The following CASZ1 variants were observed in gnomAD, a reference collection of about 807,000 sequenced individuals.
CASZ1 encodes zinc finger protein castor homolog 1.
In CASZ1, 28 loss-of-function variants were observed where a neutral mutation model predicts 135.2. The observed-to-expected ratio is 0.21, with a 90% confidence interval of 0.15 to 0.28. The LOEUF (loss-of-function observed/expected upper bound fraction) is 0.28, where lower values mean the gene tolerates loss of function less well. CASZ1 is among the 10% of genes least tolerant of loss of function. The pLI, the probability that CASZ1 is intolerant of heterozygous loss-of-function variation, is 1.00. For missense variants in CASZ1, 2,161 were observed against 2,453.3 expected (o/e 0.88, Z 2.52); for synonymous variants, 1,068 against 1,073.4 (o/e 0.99, Z 0.10).
In CASZ1 at chr1:10,638,748, G is replaced by T; in HGVS notation, c.*194C>A. 2.6e-6 allele frequency: 1 copy of T among 391,814 alleles called. No homozygotes were observed. Among genetic ancestry groups the T allele is most frequent in the Non-Finnish European group, 3.5e-6 (1 of 287,422 alleles). 24.3% of individuals were successfully genotyped at this position (391,814 alleles called of 1,614,324 possible). A position where few individuals can be genotyped will look rare whatever the true frequency, so the allele number is the denominator to read the frequency against. On this transcript the variant is annotated 3_prime_UTR_variant, in exon 21 of 21. Coordinates refer to ENST00000377022, the MANE Select transcript of CASZ1 (RefSeq NM_001079843.3). This position sits in a 1 kb window ranked among gnomAD's most constrained non-coding sequence, Gnocchi z 5.9. ...TCCCTGAAGAGACCCGGCCTCCCTA[G>T]AGCAGGGCCACCGCCGCCGCCTGTG...
intron 3 of CASZ1, among the ~76,000 whole-genome samples, chr1:10,698,005 A>G (rs962103102): frequency 6.6e-6 from 1 of 152,246 alleles, no homozygotes; most frequent in African/African-American, 2.4e-5. Flanking sequence ...CGGCATGGCC[A>G]CGGGCACGGG....
At position 10,790,132 on chromosome 1, in the gene CASZ1, A is replaced by G. The variant is rs145440747; in HGVS notation, c.-234+6432T>C. 1.1e-3 allele frequency among the ~76,000 whole-genome samples: 170 copies of G among 152,324 alleles called. 1 individual carries two copies. The highest frequency in any genetic ancestry group is 2.9e-3 in the East Asian group (15 of 5,178). ...CGTGGCAGCCAGAGGAGAGATCACC[A>G]GGCAGCCAGAACCACGGCTGACTTC... On this transcript the variant is annotated intron_variant, in intron 1 of 20. Coordinates refer to ENST00000377022, the MANE Select transcript of CASZ1 (RefSeq NM_001079843.3).
In CASZ1 at chr1:10,708,017, A is replaced by G. The variant is rs151300150; in HGVS notation, c.-76-2473T>C. Among the ~76,000 whole-genome samples, 528 of 152,326 alleles carry G rather than the reference A, an allele frequency of 3.5e-3. 4 individuals carry two copies. The highest frequency in any genetic ancestry group is 0.011 in the African/African-American group (472 of 41,576). On this transcript the variant is annotated intron_variant, in intron 2 of 20. Transcript: ENST00000377022. Reference sequence around the variant, plus strand: ...GGCAGAAAGTGCCTAAGAAATGCCAACACACCCATTCTCTGCCAGCCGTCT... The same window carrying G: ...GGCAGAAAGTGCCTAAGAAATGCCAGCACACCCATTCTCTGCCAGCCGTCT...
At position 10,700,487 on chromosome 1, in the gene CASZ1, T is replaced by C. The variant is rs1639040352; in HGVS notation, c.-24+5005A>G. ...AGACACGTGTGCTGCTGCCTGAGTC[T>C]AGGTGTTTGGATGGTGTATGTACAC... is the stretch of plus-strand genomic sequence containing the variant. On this transcript the variant is annotated intron_variant, in intron 3 of 20. Transcript: ENST00000377022. The surrounding 1 kb of genome is among the most constrained non-coding windows in gnomAD (Gnocchi z 4.2). 6.6e-6 allele frequency among the ~76,000 whole-genome samples: 1 copy of C among 152,170 alleles called. No homozygotes were observed. The highest frequency in any genetic ancestry group is 1.5e-5 in the Non-Finnish European group (1 of 68,022).
chr1:10,663,135 G>C (rs1643104645), intron 5 of CASZ1, among the ~76,000 whole-genome samples: 1 of 152,218 alleles, frequency 6.6e-6, no homozygotes, highest in Non-Finnish European at 1.5e-5. Context: ...CACTTGGGGC[G>C]GCAGGACCCC....
intron 6 of CASZ1, among the ~76,000 whole-genome samples, chr1:10,659,498 G>T (rs1642931985): frequency 6.6e-6 from 1 of 152,228 alleles, no homozygotes; most frequent in Non-Finnish European, 1.5e-5. Context: ...AGGTGCAAGA[G>T]TGAATGTGAG....
chr1:10,729,610 C>G (rs1351788399), intron 2 of CASZ1, among the ~76,000 whole-genome samples: 1 of 152,236 alleles, frequency 6.6e-6, no homozygotes, highest in African/African-American at 2.4e-5. Context: ...CTTCCCGAGA[C>G]CCTCTCAGGA....
rs1224005442 is a variant in CASZ1 at position 10,639,205 on chromosome 1, A to T, written c.5017T>A (p.Ser1673Thr). 5 of 954,720 alleles carry T rather than the reference A, an allele frequency of 5.2e-6. No homozygotes were observed. Among genetic ancestry groups the T allele is most frequent in the East Asian group, 1.0e-4 (1 of 9,710 alleles). 59.1% of individuals were successfully genotyped at this position (954,720 alleles called of 1,614,324 possible). A position where few individuals can be genotyped will look rare whatever the true frequency, so the allele number is the denominator to read the frequency against. ...AAAAAAAAGESSQEDEEEELE... is the reference protein window; with the variant it reads ...AAAAAAAAGETSQEDEEEELE... ...TCCTCCTCCTCGTCCTCCTGCGAGG[A>T]CTCCCCAGCTGCGGCGGCGGCGGCG... Residue 1673 changes from serine to threonine, a missense_variant, in exon 21 of 21, where the codon TCC (serine) becomes ACC (threonine). This residue lies in a region of CASZ1 where 185 missense variants were observed against 134.7 expected (regional missense o/e 1.37). Coordinates refer to ENST00000377022, the MANE Select transcript of CASZ1 (RefSeq NM_001079843.3). The surrounding 1 kb of genome is among the most constrained non-coding windows in gnomAD (Gnocchi z 4.0).
At chr1:10,644,021 A>G (rs1642288920) in intron 18 of CASZ1, among the ~76,000 whole-genome samples, 1 of 152,236 alleles carries the variant, frequency 6.6e-6, no homozygotes, top group African/African-American at 2.4e-5. Flanking sequence ...TTTTGAATTC[A>G]TACTTGAAGG....
chr1:10,638,073 G>C lies in CASZ1; in HGVS notation c.*869C>G, dbSNP rs564178454. Reference sequence around the variant, plus strand: ...GGGACTGAGCCTCCAACCTCAGGCCGGGCCCAGGCGGGTCTGCACTCTCAC... The same window carrying C: ...GGGACTGAGCCTCCAACCTCAGGCCCGGCCCAGGCGGGTCTGCACTCTCAC... On this transcript the variant is annotated 3_prime_UTR_variant, in exon 21 of 21. Transcript: ENST00000377022. The surrounding 1 kb of genome is among the most constrained non-coding windows in gnomAD (Gnocchi z 5.9). 5.2e-5 allele frequency: 8 copies of C among 152,580 alleles called. No homozygotes were observed. The South Asian group carries it at 1.7e-3, about 32-fold the overall frequency. 9.5% of individuals were successfully genotyped at this position (152,580 alleles called of 1,614,324 possible).
chr1:10,768,685 C>G (rs1640522009), intron 1 of CASZ1, among the ~76,000 whole-genome samples: 1 of 152,202 alleles, frequency 6.6e-6, no homozygotes. Flanking sequence ...AAGCAGAGCC[C>G]TGGCATCACC....
At chr1:10,745,888 T>C (rs960529536) in intron 2 of CASZ1, among the ~76,000 whole-genome samples, 2 of 152,200 alleles carry the variant, frequency 1.3e-5, no homozygotes, top group Non-Finnish European at 2.9e-5. Context: ...TGAGCTCCTA[T>C]TCAAACACAA....
rs1371971133 is a variant in CASZ1, at chr1:10,783,406, A to C, written c.-234+13158T>G. ...TTCCAAGTCTTCCTTTTGCCCAAAGAAAGGAGGGATGGAAAGAAGAAATCC... is the reference window on the plus strand; with the variant it reads ...TTCCAAGTCTTCCTTTTGCCCAAAGCAAGGAGGGATGGAAAGAAGAAATCC... On this transcript the variant is annotated intron_variant, in intron 1 of 20. Transcript: ENST00000377022. 2.0e-5 allele frequency among the ~76,000 whole-genome samples: 3 copies of C among 149,978 alleles called. No homozygotes were observed. The East Asian group carries it at 5.8e-4, about 29-fold the overall frequency.
At position 10,776,034 on chromosome 1, in the gene CASZ1, C is replaced by T. The variant is rs548449246; in HGVS notation, c.-233-15177G>A. On this transcript the variant is annotated intron_variant, in intron 1 of 20. Transcript: ENST00000377022. This position sits in a 1 kb window ranked among gnomAD's most constrained non-coding sequence, Gnocchi z 4.1. ...CCCCATCAGTGGGGTCTGCTCGGTC[C>T]CTGTAGCTAATTTACACCCGTCAGG... 8.1e-4 allele frequency among the ~76,000 whole-genome samples: 123 copies of T among 152,318 alleles called. No individual in the cohort carries two copies. Among genetic ancestry groups the T allele is most frequent in the African/African-American group, 2.8e-3 (118 of 41,562 alleles).
rs1639032037 is a variant in CASZ1 at position 10,700,149 on chromosome 1, T to G, written c.-24+5343A>C. 6.9e-6 allele frequency among the ~76,000 whole-genome samples: 1 copy of G among 144,244 alleles called. No homozygotes were observed. Among genetic ancestry groups the G allele is most frequent in the Admixed American group, 7.0e-5 (1 of 14,370 alleles). 94.6% of individuals were successfully genotyped at this position (144,244 alleles called of 152,430 possible). On this transcript the variant is annotated intron_variant, in intron 3 of 20. Transcript: ENST00000377022. This position sits in a 1 kb window ranked among gnomAD's most constrained non-coding sequence, Gnocchi z 4.2. ...GAAGCAGGGACCTGGGCTAGTTGGG[T>G]TGCCCTGTGGGCCTGGCCCAGCCTG... is the stretch of plus-strand genomic sequence containing the variant.
chr1:10,640,094 G>A, intron 20 of CASZ1, 35 bp from the exon 21 acceptor site: 1 of 1,572,904 alleles, frequency 6.4e-7, no homozygotes, highest in Non-Finnish European at 8.6e-7. Context: ...GCAGAAGAGG[G>A]ACCCACGTGG....
In CASZ1 at chr1:10,735,593, C is replaced by G. The variant is rs561534113; in HGVS notation, c.-77+25108G>C. Among the ~76,000 whole-genome samples, 1 of 152,320 alleles carries G rather than the reference C, an allele frequency of 6.6e-6. No individual in the cohort carries two copies. Among genetic ancestry groups the G allele is most frequent in the East Asian group, 1.9e-4 (1 of 5,178 alleles). ...GCTGGTGCCTCTTAGCCAAGTGCCA[C>G]GGACAGAAGTTTTGCCTTTACCCAT... On this transcript the variant is annotated intron_variant, in intron 2 of 20. Coordinates refer to ENST00000377022, the MANE Select transcript of CASZ1 (RefSeq NM_001079843.3). The surrounding 1 kb of genome is among the most constrained non-coding windows in gnomAD (Gnocchi z 5.1).
intron 2 of CASZ1, among the ~76,000 whole-genome samples, chr1:10,729,544 T>G (rs1639664925): frequency 6.6e-6 from 1 of 152,160 alleles, no homozygotes; most frequent in African/African-American, 2.4e-5. Context: ...AGAAACCAAG[T>G]GCCAGAGCCC....
At chr1:10,648,913 A>G in intron 15 of CASZ1, 157 bp downstream of exon 15, 1 of 1,010,052 alleles carries the variant, frequency 9.9e-7, no homozygotes, top group Non-Finnish European at 1.4e-6. Flanking sequence ...GTGAAGGAGG[A>G]TGGGAAGCCC....
Sources: gnomAD v4.1 joint callset for allele counts (sites outside exome capture counted in the v4.1 genomes callset) on GRCh38, gnomAD v4.1.1 for gene constraint, gnomAD v4.1.1 regional missense constraint, Gnocchi (gnomAD v3.1) non-coding constraint, MANE v1.5 for transcripts, NCBI Gene and HGNC (gene_info 2026-07-23, HGNC 2026-07-21) for gene names.